Variants in LRRIQ1 observed in about 807,000 individuals in gnomAD.
LRRIQ1 encodes the protein leucine rich repeats and IQ motif containing 1.
In LRRIQ1, 210 loss-of-function variants were observed where a neutral mutation model predicts 211.9. The ratio of observed to expected loss-of-function variants is 0.99; its 90% CI spans 0.89 to 1.11. The LOEUF is 1.11. Ranked by LOEUF, LRRIQ1 falls within the 50% of genes most tolerant of loss-of-function variation. The pLI is 0.00. For missense variants in LRRIQ1, 2,136 were observed against 1,939.5 expected (o/e 1.10, Z -1.90); for synonymous variants, 699 against 650.1 (o/e 1.08, Z -1.14).
rs185117659 is a variant in LRRIQ1, at chr12:85,215,602, G to A, written c.4823-13915G>A. ...CTTATAAGTGAGAACAAACATTATC[G>A]GGTTTTCTGTTTCTATGTTAGTTTG... On this transcript the variant is annotated intron_variant, in intron 24 of 26. Transcript: ENST00000393217. Among the ~76,000 whole-genome samples the A allele has an allele frequency of 3.3e-5, 5 of 151,888 alleles. No homozygotes were observed. In the South Asian group the frequency reaches 8.3e-4, roughly 25 times the overall value.
At chr12:85,174,278 T>C (rs1374169140) in intron 24 of LRRIQ1, among the ~76,000 whole-genome samples, 5 of 151,780 alleles carry the variant, frequency 3.3e-5, no homozygotes, top group African/African-American at 7.3e-5. Flanking sequence ...TAAAAAAAAC[T>C]TGGCAGAAGA....
intron 14 of LRRIQ1, among the ~76,000 whole-genome samples, chr12:85,104,776 C>T (rs1886649485): frequency 6.6e-6 from 1 of 151,838 alleles, no homozygotes; most frequent in Non-Finnish European, 1.5e-5. Context: ...TTTTTGCAGG[C>T]TTAAGTTTTC....
intron 14 of LRRIQ1, among the ~76,000 whole-genome samples, chr12:85,104,834 T>G (rs1326898704): frequency 8.6e-5 from 13 of 151,922 alleles, no homozygotes. Context: ...GATAATAGAG[T>G]AGGTGTAACT....
chr12:85,234,255 A>C (rs1272976406), intron 26 of LRRIQ1, among the ~76,000 whole-genome samples: 1 of 152,088 alleles, frequency 6.6e-6, no homozygotes, highest in Non-Finnish European at 1.5e-5. Flanking sequence ...AAAAAGTTAT[A>C]ATATTTAATT....
At position 85,075,387 on chromosome 12, in the gene LRRIQ1, G is replaced by A. The variant is rs146704407; in HGVS notation, c.2887+2289G>A. On this transcript the variant is annotated intron_variant, in intron 11 of 26. Transcript: ENST00000393217. Reference sequence around the variant, plus strand: ...AGAGGTTTAATTGGCTCATGGTTCTGCAGGCTTTACAGGAAGCATGGTACT... The same window carrying A: ...AGAGGTTTAATTGGCTCATGGTTCTACAGGCTTTACAGGAAGCATGGTACT... 4.1e-4 allele frequency among the ~76,000 whole-genome samples: 62 copies of A among 152,116 alleles called. 1 individual carries two copies. Among genetic ancestry groups the A allele is most frequent in the African/African-American group, 1.3e-3 (56 of 41,514 alleles).
In LRRIQ1 at chr12:85,240,623, TAAAG is replaced by T. The variant is rs748900475; in HGVS notation, c.5017-4162_5017-4159del. 9.1e-4 allele frequency among the ~76,000 whole-genome samples: 139 copies of T among 152,014 alleles called. 1 individual carries two copies. Among genetic ancestry groups the T allele is most frequent in the Non-Finnish European group, 1.7e-3 (118 of 67,952 alleles). On this transcript the variant is annotated intron_variant, in intron 26 of 26. Transcript: ENST00000393217. The stretch of plus-strand genomic sequence containing the variant: ...AAATCTCATTGAATGGGTAAAATAA[TAAAG>T]AAATGATGGTACATACATACAGTGG...
chr12:85,045,489 AT>A (rs1323398486), intron 4 of LRRIQ1, among the ~76,000 whole-genome samples: 4 of 151,980 alleles, frequency 2.6e-5, no homozygotes, highest in Middle Eastern at 7.1e-3. Flanking sequence ...TGAAATATTA[AT>A]TTTCAATTAT....
intron 19 of LRRIQ1, among the ~76,000 whole-genome samples, chr12:85,139,088 T>C (rs1889343125): frequency 6.6e-6 from 1 of 151,484 alleles, no homozygotes; most frequent in African/African-American, 2.4e-5. Context: ...TGGCATTACT[T>C]CCAAAGTAAG....
intron 18 of LRRIQ1, among the ~76,000 whole-genome samples, chr12:85,131,889 A>G (rs1409012585): frequency 2.6e-5 from 4 of 152,204 alleles, no homozygotes; most frequent in African/African-American, 9.6e-5. Flanking sequence ...TTAGTCAGAA[A>G]TAAATAAGTT....
intron 15 of LRRIQ1, among the ~76,000 whole-genome samples, chr12:85,117,711 G>C (rs1046272425): frequency 2.0e-5 from 3 of 152,136 alleles, no homozygotes; most frequent in African/African-American, 7.2e-5. Flanking sequence ...CTTGAAAAAG[G>C]TCCAGCAACA....
chr12:85,055,027 A>G (rs144869201), intron 7 of LRRIQ1, among the ~76,000 whole-genome samples: 2 of 152,256 alleles, frequency 1.3e-5, no homozygotes, highest in Non-Finnish European at 2.9e-5. Flanking sequence ...AGAAGGGATA[A>G]GATATGTGAG....
intron 26 of LRRIQ1, 42 bp downstream of exon 26, chr12:85,232,798 C>T: frequency 2.2e-6 from 3 of 1,374,132 alleles, no homozygotes; most frequent in Non-Finnish European, 3.1e-6. Context: ...GTTGTAGACA[C>T]TAGTGCTCAA....
chr12:85,188,107 A>G (rs1892318133), intron 24 of LRRIQ1, among the ~76,000 whole-genome samples: 1 of 151,970 alleles, frequency 6.6e-6, no homozygotes, highest in South Asian at 2.1e-4. Context: ...CTAGGTCCTC[A>G]GTACTTAGAA....
intron 17 of LRRIQ1, among the ~76,000 whole-genome samples, chr12:85,125,451 TG>T: frequency 6.6e-6 from 1 of 152,186 alleles, no homozygotes; most frequent in Non-Finnish European, 1.5e-5. Flanking sequence ...AATTTCTTCT[TG>T]TTCTTTTTAC....
chr12:85,223,937 G>A (rs1199710602), intron 24 of LRRIQ1, among the ~76,000 whole-genome samples: 1 of 146,522 alleles, frequency 6.8e-6, no homozygotes, highest in Non-Finnish European at 1.5e-5. Flanking sequence ...CAAATTATCA[G>A]CAGTTTAAAA....
At chr12:85,076,353 T>C (rs933119078) in intron 11 of LRRIQ1, among the ~76,000 whole-genome samples, 7 of 151,958 alleles carry the variant, frequency 4.6e-5, no homozygotes, top group Admixed American at 4.6e-4. Context: ...ATAAATATAA[T>C]GTTAACATGT....
chr12:85,081,869 C>T (rs560595171), intron 11 of LRRIQ1, among the ~76,000 whole-genome samples: 1 of 151,582 alleles, frequency 6.6e-6, no homozygotes, highest in Non-Finnish European at 1.5e-5. Flanking sequence ...TATAGGTGTA[C>T]ACCACCAAGC....
chr12:85,263,209 G>A (rs1896347296), exon 2 of LRRIQ1: 1 of 294,438 alleles, frequency 3.4e-6, no homozygotes, highest in Non-Finnish European at 5.1e-6. Flanking sequence ...TTCTAGTGGA[G>A]CTATCTTATT....
At chr12:85,085,575 A>T (rs993301820) in intron 11 of LRRIQ1, among the ~76,000 whole-genome samples, 1 of 152,072 alleles carries the variant, frequency 6.6e-6, no homozygotes, top group Admixed American at 6.6e-5. Flanking sequence ...TACTTTTTCA[A>T]CCACTCCCTG....
Sources: gnomAD v4.1 joint callset for allele counts (sites outside exome capture counted in the v4.1 genomes callset) on GRCh38, gnomAD v4.1.1 for gene constraint, MANE v1.5 for transcripts, NCBI Gene and HGNC (gene_info 2026-07-23, HGNC 2026-07-21) for gene names.